Variants in TLCD1 observed in about 807,000 individuals in gnomAD.
TLCD1 encodes the protein TLC domain-containing protein 1.
Under a neutral mutation model 21.2 loss-of-function variants are expected in TLCD1, and 21 were observed. The ratio of observed to expected loss-of-function variants is 0.99; its 90% CI spans 0.70 to 1.42. The LOEUF (loss-of-function observed/expected upper bound fraction) is 1.42, where lower values mean the gene tolerates loss of function less well. TLCD1 is among the 40% of genes most tolerant of loss of function. The pLI is 0.00. For synonymous variants in TLCD1, 168 were observed against 134.8 expected, an observed-to-expected ratio of 1.25 and a Z score of -1.71; for missense variants, 344 against 330.3, an observed-to-expected ratio of 1.04 and a Z score of -0.32.
chr17:28,724,668 G>A lies in TLCD1; in HGVS notation c.586C>T (p.Arg196Cys), dbSNP rs199910670. 16 of 1,614,134 alleles carry A rather than the reference G, an allele frequency of 9.9e-6. No individual in the cohort carries two copies. The highest frequency in any genetic ancestry group is 2.2e-5 in the East Asian group (1 of 44,890). The change falls in exon 4 of 4, where the codon CGT (arginine) becomes TGT (cysteine). Residue 196 changes from arginine (R) to cysteine (C), a missense_variant. Physicochemically the swap from Arg to Cys is radical, Grantham distance 180 (BLOSUM62 -3). Coordinates refer to ENST00000292090, the MANE Select transcript of TLCD1 (RefSeq NM_138463.4). ...PQAYLTHFFL[R>C]YVNQRTLGTF... ...CCCAGGGTCCTCTGGTTCACATAAC[G>A]CAAGAAGAAATGGGTGAGGTAGGCC...
At chr17:28,726,648 C>T, upstream of TLCD1, 1 of 1,098,696 alleles carries the variant, frequency 9.1e-7, no homozygotes, top group Non-Finnish European at 1.3e-6. Context: ...CCCCTAAGTC[C>T]TGGTCCTGGG....
chr17:28,726,130 G>T lies in TLCD1; in HGVS notation c.-33C>A. 2 of 1,422,070 alleles carry T rather than the reference G, an allele frequency of 1.4e-6. No homozygotes were observed. The highest frequency in any genetic ancestry group is 2.8e-5 in the East Asian group (1 of 35,956). The allele number at this position is 1,422,070 out of a possible 1,614,324, so 88.1% of individuals were successfully genotyped here. A position where few individuals can be genotyped will look rare whatever the true frequency, so the allele number is the denominator to read the frequency against. On this transcript the variant is annotated 5_prime_UTR_variant, in exon 1 of 4. Coordinates refer to ENST00000292090, the MANE Select transcript of TLCD1 (RefSeq NM_138463.4). ...CTCCCTGCCGTCCGCCCTCGAGGCC[G>T]CCTCCTAGGTCTGTTCTGGGAACCG... is the stretch of plus-strand genomic sequence containing the variant.
In TLCD1 at chr17:28,725,255, C is replaced by G. The variant is rs555288266; in HGVS notation, c.360+49G>C. 3 of 1,594,236 alleles carry G rather than the reference C, an allele frequency of 1.9e-6. No homozygotes were observed. The South Asian group carries it at 3.3e-5, about 18-fold the overall frequency. On this transcript the variant is annotated intron_variant, in intron 3 of 3. Transcript: ENST00000292090. Reference sequence around the variant, plus strand: ...CAGATTCAGAAAGACGGAGCTGAGACTAGATTACTGACACCAGGCCTATAC... The same window carrying G: ...CAGATTCAGAAAGACGGAGCTGAGAGTAGATTACTGACACCAGGCCTATAC...
chr17:28,726,815 C>T, upstream of TLCD1: 3 of 1,548,054 alleles, frequency 1.9e-6, no homozygotes, highest in Non-Finnish European at 2.6e-6. Context: ...CCATCGCCAC[C>T]TCTTCCCGCC....
At position 28,725,285 on chromosome 17, in the gene TLCD1, T is replaced by TAGTCTGCTTC; in HGVS notation, c.360+9_360+18dup. ...TTACTGACACCAGGCCTATACCACA[T>TAGTCTGCTTC]AGTCTGCTTCTCTCTTACCATGACG... On this transcript the variant is annotated intron_variant, in intron 3 of 3. Coordinates refer to ENST00000292090, the MANE Select transcript of TLCD1 (RefSeq NM_138463.4). 6.2e-7 allele frequency: 1 copy of TAGTCTGCTTC among 1,613,090 alleles called. No individual in the cohort carries two copies.
At chr17:28,727,484 T>C (rs2034249728), upstream of TLCD1, 1 of 152,728 alleles carries the variant, frequency 6.5e-6, no homozygotes, top group Non-Finnish European at 1.5e-5. Flanking sequence ...GTGGGTGGGT[T>C]TGGATACCCT....
At chr17:28,725,731 C>A (rs1179511743) in intron 1 of TLCD1, among the ~76,000 whole-genome samples, 168 bp from the exon 2 acceptor site, 1 of 152,192 alleles carries the variant, frequency 6.6e-6, no homozygotes, top group Non-Finnish European at 1.5e-5. Context: ...CAGGGGCGAT[C>A]CCCCTCCCCT....
Position 28,726,009 on chromosome 17 carries a change from G to A in TLCD1, c.89C>T (p.Pro30Leu). Reference sequence around the variant, plus strand: ...GTCGGCGCGCACGTGCACGGGTAGGGGCAGGCGACAGAGCGCGCGCCGGAG... The same window carrying A: ...GTCGGCGCGCACGTGCACGGGTAGGAGCAGGCGACAGAGCGCGCGCCGGAG... ...RALRRALCRL[P>L]LPVHVRADPL... Residue 30 changes from proline (P) to leucine (L), a missense_variant, in exon 1 of 4, where the codon CCC (proline) becomes CTC (leucine). Pro to Leu is a moderately conservative substitution (Grantham distance 98, BLOSUM62 -3). Coordinates refer to ENST00000292090, the MANE Select transcript of TLCD1 (RefSeq NM_138463.4). 1.2e-6 allele frequency: 2 copies of A among 1,603,128 alleles called. No homozygotes were observed. The highest frequency in any genetic ancestry group is 8.5e-7 in the Non-Finnish European group (1 of 1,176,266).
Position 28,724,682 on chromosome 17 carries a change from G to A in TLCD1, c.572C>T (p.Thr191Ile). 1 of 1,614,182 alleles carries A rather than the reference G, an allele frequency of 6.2e-7. No homozygotes were observed. The highest frequency in any genetic ancestry group is 1.6e-4 in the Middle Eastern group (1 of 6,062). The change falls in exon 4 of 4, where the codon ACC (threonine) becomes ATC (isoleucine). Residue 191 changes from threonine to isoleucine, a missense_variant. Coordinates refer to ENST00000292090, the MANE Select transcript of TLCD1 (RefSeq NM_138463.4). ...LFRLAPQAYL[T>I]HFFLRYVNQR... ...GTTCACATAACGCAAGAAGAAATGG[G>A]TGAGGTAGGCCTGAGGGGCCAGGCG...
chr17:28,725,397 G>T lies in TLCD1; in HGVS notation c.278-11C>A, dbSNP rs1251701374. On this transcript the variant is annotated splice_polypyrimidine_tract_variant and intron_variant, in intron 2 of 3. Transcript: ENST00000292090. ...CGTGGATGAAATACCCTAGTGGAGG[G>T]ATGGGGCAAGAGATCATGAACTGAA... 1 of 1,614,196 alleles carries T rather than the reference G, an allele frequency of 6.2e-7. No individual in the cohort carries two copies.
chr17:28,725,630 C>A, intron 1 of TLCD1, 67 bp from the exon 2 acceptor site: 2 of 1,523,630 alleles, frequency 1.3e-6, no homozygotes, highest in East Asian at 4.5e-5. Flanking sequence ...TCTCGGTTAC[C>A]CTTCGCAGCC....
upstream of TLCD1, chr17:28,727,066 G>C: frequency 1.8e-6 from 1 of 569,952 alleles, no homozygotes; most frequent in Non-Finnish European, 3.1e-6. Flanking sequence ...AGCTGCTTTC[G>C]GGGAGAGTTT....
upstream of TLCD1, chr17:28,726,792 A>C (rs2034238392): frequency 1.3e-6 from 2 of 1,548,832 alleles, no homozygotes; most frequent in Non-Finnish European, 1.7e-6. Context: ...GCACTTGGGA[A>C]CTGCTGAGTA....
chr17:28,725,773 AC>A, intron 1 of TLCD1, 130 bp downstream of exon 1: 2 of 1,302,488 alleles, frequency 1.5e-6, no homozygotes, highest in Non-Finnish European at 2.1e-6. Flanking sequence ...TGGATAGGAT[AC>A]CAAACGGGAT....
chr17:28,725,005 G>A, intron 3 of TLCD1, 112 bp from the exon 4 acceptor site: 2 of 1,221,076 alleles, frequency 1.6e-6, no homozygotes, highest in Non-Finnish European at 2.3e-6. Context: ...TTTCCCCCTG[G>A]AATAATAGTT....
chr17:28,725,002 C>T, intron 3 of TLCD1, 109 bp from the exon 4 acceptor site: 1 of 1,255,132 alleles, frequency 8.0e-7, no homozygotes, highest in Non-Finnish European at 1.1e-6. Context: ...AAATTTCCCC[C>T]TGGAATAATA....
chr17:28,724,753 G>A lies in TLCD1; in HGVS notation c.501C>T (p.Leu167=), dbSNP rs34739563. 3.3e-3 allele frequency: 5,373 copies of A among 1,614,168 alleles called. 175 individuals carry two copies. The African/African-American group carries it at 0.062, about 19-fold the overall frequency. Residue 167 remains leucine (L), a synonymous_variant, in exon 4 of 4, where the codon CTC becomes CTT. Transcript: ENST00000292090. The part of the protein sequence containing the change: ...MKISNAQDHL[L]YRVNKYVNLV... ...GGTTCACATACTTGTTAACCCGGTA[G>A]AGGAGATGATCCTGGGCATTACTGA...
At chr17:28,726,649 TG>T, upstream of TLCD1, 1 of 1,103,822 alleles carries the variant, frequency 9.1e-7, no homozygotes, top group Non-Finnish European at 1.3e-6. Context: ...CCCTAAGTCC[TG>T]GTCCTGGGGT....
chr17:28,725,829 T>G, intron 1 of TLCD1, 75 bp downstream of exon 1: 1 of 1,527,792 alleles, frequency 6.5e-7, no homozygotes, highest in Non-Finnish European at 8.8e-7. Context: ...GCGATGGGGG[T>G]AGTAACACAA....
Sources: gnomAD v4.1 joint callset for allele counts (sites outside exome capture counted in the v4.1 genomes callset) on GRCh38, gnomAD v4.1.1 for gene constraint, MANE v1.5 for transcripts, NCBI Gene and HGNC (gene_info 2026-07-23, HGNC 2026-07-21) for gene names.